Variants in TIAM1 observed in about 807,000 individuals in gnomAD.
TIAM1 encodes TIAM Rac1 associated GEF 1.
TIAM1 carries 65 observed loss-of-function variants against 163.5 expected under a neutral mutation model. The ratio of observed to expected loss-of-function variants is 0.40; its 90% confidence interval spans 0.33 to 0.49. The LOEUF (loss-of-function observed/expected upper bound fraction) is 0.49. Among genes scored for constraint, TIAM1 ranks in the 20% least tolerant of loss-of-function variants. The pLI is 0.77. For synonymous variants in TIAM1, 833 were observed against 810.1 expected (o/e 1.03, Z -0.48); for missense variants, 1,789 against 2,044.7 (o/e 0.87, Z 2.41).
intron 9 of TIAM1, among the ~76,000 whole-genome samples, chr21:31,216,031 C>T (rs761878533): frequency 1.3e-5 from 2 of 152,078 alleles, no homozygotes; most frequent in African/African-American, 4.8e-5. Context: ...ATTAGCTGCA[C>T]GTGGTGGTGA....
At chr21:31,267,014 T>C in intron 3 of TIAM1, 31 bp from the exon 4 acceptor site, 1 of 1,562,754 alleles carries the variant, frequency 6.4e-7, no homozygotes, top group Admixed American at 1.8e-5. Context: ...AGGGGAGAAT[T>C]GAGTCACTAT....
At chr21:31,472,733 C>G (rs1053159292) in intron 1 of TIAM1, among the ~76,000 whole-genome samples, 1 of 152,190 alleles carries the variant, frequency 6.6e-6, no homozygotes, top group African/African-American at 2.4e-5. Context: ...TGTTCCTAAA[C>G]TTACAATAGA....
intron 19 of TIAM1, among the ~76,000 whole-genome samples, chr21:31,147,796 A>G (rs951056942): frequency 5.1e-4 from 73 of 143,362 alleles, no homozygotes; most frequent in African/African-American, 1.8e-3. Context: ...AAATATATAT[A>G]TATATATATG....
At chr21:31,474,422 A>G (rs568231640) in intron 1 of TIAM1, among the ~76,000 whole-genome samples, 10 of 152,274 alleles carry the variant, frequency 6.6e-5, no homozygotes, top group Non-Finnish European at 8.8e-5. Context: ...TCTGTGCCTC[A>G]GTTTCCTCAT....
At position 31,303,839 on chromosome 21, in the gene TIAM1, G is replaced by A. The variant is rs558639994; in HGVS notation, c.-188-26931C>T. Among the ~76,000 whole-genome samples the A allele has an allele frequency of 1.5e-3, 228 of 152,114 alleles. 1 individual carries two copies. The highest frequency in any genetic ancestry group is 5.2e-3 in the African/African-American group (214 of 41,492). On this transcript the variant is annotated intron_variant, in intron 2 of 27. Transcript: ENST00000541036. Reference sequence around the variant, plus strand: ...CTAAAAATACAAAAATTAGCCAGGCGTAGCGGCATGCACCTGTAATCCCAG... The same window carrying A: ...CTAAAAATACAAAAATTAGCCAGGCATAGCGGCATGCACCTGTAATCCCAG...
intron 2 of TIAM1, among the ~76,000 whole-genome samples, chr21:31,410,848 T>G (rs1211733434): frequency 6.6e-6 from 1 of 152,012 alleles, no homozygotes; most frequent in Non-Finnish European, 1.5e-5. Flanking sequence ...ATAAATTACC[T>G]GGTGGTTTCC....
At chr21:31,332,954 C>G (rs949666435) in intron 2 of TIAM1, among the ~76,000 whole-genome samples, 4 of 152,060 alleles carry the variant, frequency 2.6e-5, no homozygotes, top group African/African-American at 7.3e-5. Flanking sequence ...ACTAAATAAA[C>G]CAGGCATGGT....
chr21:31,534,368 G>A (rs540118329), intron 1 of TIAM1, among the ~76,000 whole-genome samples: 1 of 152,256 alleles, frequency 6.6e-6, no homozygotes, highest in South Asian at 2.1e-4. Flanking sequence ...TAAGTTCCAG[G>A]ACAAACCAAA....
intron 2 of TIAM1, among the ~76,000 whole-genome samples, chr21:31,389,822 A>G (rs886501881): frequency 1.3e-5 from 2 of 152,178 alleles, no homozygotes; most frequent in African/African-American, 4.8e-5. Context: ...TTCTATATAA[A>G]TCAATTCCTA....
chr21:31,285,193 C>A (rs886590519), intron 2 of TIAM1, among the ~76,000 whole-genome samples: 8 of 151,302 alleles, frequency 5.3e-5, no homozygotes, highest in Non-Finnish European at 1.2e-4. Context: ...GCCACCCCCC[C>A]AAGCCAATTC....
At chr21:31,459,227 TC>T (rs1350341353) in intron 2 of TIAM1, among the ~76,000 whole-genome samples, 1 of 152,114 alleles carries the variant, frequency 6.6e-6, no homozygotes, top group East Asian at 1.9e-4. Context: ...TCCTCCCACC[TC>T]AGCCTCCTGA....
chr21:31,413,363 G>A (rs1236902065), intron 2 of TIAM1, among the ~76,000 whole-genome samples: 5 of 140,922 alleles, frequency 3.5e-5, no homozygotes, highest in Non-Finnish European at 7.6e-5. Context: ...TCCGCCTCCC[G>A]GGTTCACGCC....
At chr21:31,428,191 G>T (rs552984812) in intron 2 of TIAM1, among the ~76,000 whole-genome samples, 4 of 151,788 alleles carry the variant, frequency 2.6e-5, no homozygotes, top group Admixed American at 2.6e-4. Flanking sequence ...GGAGGCAGAG[G>T]TTGCAGTGAG....
At chr21:31,507,312 C>A (rs1016041947) in intron 1 of TIAM1, among the ~76,000 whole-genome samples, 1 of 145,214 alleles carries the variant, frequency 6.9e-6, no homozygotes, top group Non-Finnish European at 1.5e-5. Context: ...TCAAGCAATT[C>A]TCTTGCCTCA....
At chr21:31,424,844 A>G (rs1394038867) in intron 2 of TIAM1, among the ~76,000 whole-genome samples, 1 of 152,146 alleles carries the variant, frequency 6.6e-6, no homozygotes, top group Non-Finnish European at 1.5e-5. Context: ...TGAGGTCAGG[A>G]GTTCGAGACC....
At chr21:31,221,729 G>C (rs1190936437) in intron 8 of TIAM1, among the ~76,000 whole-genome samples, 1 of 152,204 alleles carries the variant, frequency 6.6e-6, no homozygotes, top group Non-Finnish European at 1.5e-5. Context: ...GTACCTCGAT[G>C]ACATCACGAG....
intron 2 of TIAM1, among the ~76,000 whole-genome samples, chr21:31,413,999 C>G (rs2043293832): frequency 6.6e-6 from 1 of 152,186 alleles, no homozygotes; most frequent in Non-Finnish European, 1.5e-5. Context: ...AAGGCAACTG[C>G]AAACATGACA....
chr21:31,356,497 G>C (rs1357221386), intron 2 of TIAM1, among the ~76,000 whole-genome samples: 1 of 152,156 alleles, frequency 6.6e-6, no homozygotes, highest in South Asian at 2.1e-4. Context: ...TAAGGTGGGG[G>C]CCTTTGGGAG....
chr21:31,216,275 A>T (rs2087203960), intron 9 of TIAM1, among the ~76,000 whole-genome samples: 1 of 152,230 alleles, frequency 6.6e-6, no homozygotes, highest in African/African-American at 2.4e-5. Flanking sequence ...TCATTTCTTA[A>T]GTAAATTAAT....
Sources: allele counts gnomAD v4.1 joint callset (sites outside exome capture counted in the v4.1 genomes callset), GRCh38; gene constraint gnomAD v4.1.1; transcripts MANE v1.5; gene names NCBI Gene and HGNC (gene_info 2026-07-23, HGNC 2026-07-21).